The following PRP4K variants were observed in gnomAD, a reference collection of about 807,000 sequenced individuals.
PRP4K encodes the protein serine/threonine-protein kinase PRP4 homolog.
At chr6:4,043,763 G>A in the PRP4K span, 5 of 1,549,806 alleles carry the variant, frequency 3.2e-6, no homozygotes, top group East Asian at 2.3e-5. Flanking sequence ...GAATGTATTT[G>A]GATAGCATCC....
the PRP4K span, chr6:4,040,701 G>T: frequency 3.4e-6 from 5 of 1,453,530 alleles, no homozygotes; most frequent in Non-Finnish European, 4.7e-6. Context: ...TATCCCCTGT[G>T]CCCACACATG....
chr6:4,044,518 G>A, the PRP4K span, among the ~76,000 whole-genome samples: 1 of 152,090 alleles, frequency 6.6e-6, no homozygotes, highest in Non-Finnish European at 1.5e-5. Flanking sequence ...GATTTTGACT[G>A]TTTTGTTAGG....
chr6:4,049,597 C>G, the PRP4K span: 1 of 854,948 alleles, frequency 1.2e-6, no homozygotes, highest in Non-Finnish European at 1.8e-6. Flanking sequence ...GGAGGCATGG[C>G]TTTGATTCTT....
chr6:4,039,207 T>A, the PRP4K span, among the ~76,000 whole-genome samples: 1 of 152,230 alleles, frequency 6.6e-6, no homozygotes, highest in African/African-American at 2.4e-5. Flanking sequence ...CTGAGAAAGC[T>A]GAATGGGATT....
chr6:4,064,209 T>G, the PRP4K span: 1 of 152,604 alleles, frequency 6.6e-6, no homozygotes, highest in East Asian at 1.9e-4. Flanking sequence ...ATAGAAATGT[T>G]TTGCCATTAT....
chr6:4,035,922 A>G, the PRP4K span, among the ~76,000 whole-genome samples: 8 of 152,090 alleles, frequency 5.3e-5, no homozygotes, highest in African/African-American at 1.9e-4. Context: ...CCGAGGTCAC[A>G]CCATTGCACT....
chr6:4,030,382 A>G, the PRP4K span, among the ~76,000 whole-genome samples: 1 of 152,194 alleles, frequency 6.6e-6, no homozygotes, highest in Non-Finnish European at 1.5e-5. Context: ...GGAGTATATA[A>G]TATGAAGACC....
chr6:4,051,219 A>C, the PRP4K span, among the ~76,000 whole-genome samples: 1 of 152,120 alleles, frequency 6.6e-6, no homozygotes, highest in Non-Finnish European at 1.5e-5. Context: ...CCATTACTGC[A>C]TTCTTAAAGG....
At chr6:4,026,303 CTTT>C in the PRP4K span, among the ~76,000 whole-genome samples, 22 of 118,844 alleles carry the variant, frequency 1.9e-4, no homozygotes, top group Admixed American at 2.7e-4. Flanking sequence ...TGTGCCCAGC[CTTT>C]TTTTTTTTTT....
chr6:4,060,472 T>C, the PRP4K span: 4 of 1,613,936 alleles, frequency 2.5e-6, no homozygotes, highest in Admixed American at 6.7e-5. This position sits in a 1 kb window ranked among gnomAD's most constrained non-coding sequence, Gnocchi z 4.7. Context: ...CTGACTTGAT[T>C]GGGTGCCAGA....
At chr6:4,033,672 A>G in the PRP4K span, among the ~76,000 whole-genome samples, 1 of 152,218 alleles carries the variant, frequency 6.6e-6, no homozygotes, top group Non-Finnish European at 1.5e-5. Context: ...CTAGCCGTTT[A>G]CTGTGTTCAT....
chr6:4,033,440 C>T, the PRP4K span, among the ~76,000 whole-genome samples: 3 of 152,022 alleles, frequency 2.0e-5, no homozygotes, highest in Non-Finnish European at 4.4e-5. Flanking sequence ...GCTCTCATAC[C>T]TAATTTATAA....
chr6:4,056,817 T>A, the PRP4K span: 1 of 1,221,916 alleles, frequency 8.2e-7, no homozygotes, highest in Non-Finnish European at 1.1e-6. Flanking sequence ...CTTTTGCCCT[T>A]TAAGTTCCTC....
chr6:4,032,040 G>A, the PRP4K span: 5 of 1,613,938 alleles, frequency 3.1e-6, no homozygotes, highest in Non-Finnish European at 4.2e-6. Context: ...TGAACTTGTG[G>A]ACAATAAAAT....
At chr6:4,047,825 C>T in the PRP4K span, among the ~76,000 whole-genome samples, 2 of 150,682 alleles carry the variant, frequency 1.3e-5, no homozygotes, top group Non-Finnish European at 2.9e-5. Context: ...AATAAGAGGC[C>T]TTCATAAGAG....
the PRP4K span, chr6:4,060,818 G>A: frequency 1.7e-6 from 1 of 598,220 alleles, no homozygotes; most frequent in Non-Finnish European, 2.9e-6. The surrounding 1 kb of genome is among the most constrained non-coding windows in gnomAD (Gnocchi z 4.7). Flanking sequence ...TTTCACTGTA[G>A]ACTGTTTTAA....
At chr6:4,031,994 G>A in the PRP4K span, 2 of 1,613,476 alleles carry the variant, frequency 1.2e-6, no homozygotes, top group African/African-American at 2.7e-5. Flanking sequence ...ATGGAAATAG[G>A]TCTAGTACTA....
chr6:4,061,736 T>G, the PRP4K span: 1 of 152,670 alleles, frequency 6.6e-6, no homozygotes, highest in East Asian at 1.9e-4. Flanking sequence ...CTTTTGTAAA[T>G]GAAGCTTTTC....
At chr6:4,021,570 C>T in the PRP4K span, 1 of 1,492,992 alleles carries the variant, frequency 6.7e-7, no homozygotes, top group South Asian at 1.2e-5. Flanking sequence ...GAGAGTCAAA[C>T]TTTGCTTTTT....
Sources: allele counts gnomAD v4.1 joint callset (sites outside exome capture counted in the v4.1 genomes callset), GRCh38; gene constraint gnomAD v4.1.1; non-coding constraint Gnocchi (gnomAD v3.1); transcripts MANE v1.5; gene names NCBI Gene and HGNC (gene_info 2026-07-23, HGNC 2026-07-21).